The following ADAMTS12 variants were observed in gnomAD, a reference collection of about 807,000 sequenced individuals.
The protein encoded by ADAMTS12 is A disintegrin and metalloproteinase with thrombospondin motifs 12.
A neutral mutation model predicts 167.8 loss-of-function variants in ADAMTS12; 118 were observed. That is an observed-to-expected ratio of 0.70 (90% CI 0.61 to 0.82). ADAMTS12 has a LOEUF of 0.82. Ranked by LOEUF, ADAMTS12 falls within the 40% of genes least tolerant of loss-of-function variation. The pLI, the probability that ADAMTS12 is intolerant of heterozygous loss-of-function variation, is 0.00. For missense variants in ADAMTS12, 1,916 were observed against 1,998.8 expected (o/e 0.96, Z 0.79); for synonymous variants, 704 against 716.9 (o/e 0.98, Z 0.29).
chr5:33,867,244 T>C (rs1749857279), intron 2 of ADAMTS12, among the ~76,000 whole-genome samples: 1 of 151,976 alleles, frequency 6.6e-6, no homozygotes, highest in South Asian at 2.1e-4. Context: ...ATAAAGAAAA[T>C]GTGGTATACA....
chr5:33,840,353 CTA>C (rs1748703811), intron 2 of ADAMTS12: 1 of 152,262 alleles, frequency 6.6e-6, no homozygotes, highest in Non-Finnish European at 1.5e-5. Context: ...TTTCCTAACA[CTA>C]TCTCCTTGCT....
chr5:33,710,607 T>A (rs1743364152), intron 3 of ADAMTS12, among the ~76,000 whole-genome samples: 1 of 152,212 alleles, frequency 6.6e-6, no homozygotes, highest in African/African-American at 2.4e-5. Flanking sequence ...TGGAATTTGA[T>A]GGTGAAGACC....
chr5:33,704,936 CCTATA>C (rs985118567), intron 3 of ADAMTS12, among the ~76,000 whole-genome samples: 5 of 151,946 alleles, frequency 3.3e-5, no homozygotes, highest in African/African-American at 1.2e-4. Flanking sequence ...ATGTTTTTTT[CCTATA>C]TTTTATTCTA....
At chr5:33,682,044 A>T (rs919034647) in intron 5 of ADAMTS12, among the ~76,000 whole-genome samples, 2 of 152,236 alleles carry the variant, frequency 1.3e-5, no homozygotes, top group African/African-American at 4.8e-5. Flanking sequence ...TTCTTATGGC[A>T]AGGCTGAAAA....
At position 33,863,868 on chromosome 5, in the gene ADAMTS12, T is replaced by G. The variant is rs192798574; in HGVS notation, c.489+17251A>C. On this transcript the variant is annotated intron_variant, in intron 2 of 23. Transcript: ENST00000504830. Reference sequence around the variant, plus strand: ...GTACCAAAACAGATATATACACCAATGGAATGGAACAGAGGCCTCAGAAAT... The same window carrying G: ...GTACCAAAACAGATATATACACCAAGGGAATGGAACAGAGGCCTCAGAAAT... Among the ~76,000 whole-genome samples, 87 of 152,116 alleles carry G rather than the reference T, an allele frequency of 5.7e-4. 1 individual carries two copies. The highest frequency in any genetic ancestry group is 2.0e-3 in the African/African-American group (83 of 41,496).
At chr5:33,778,264 C>T (rs1279065795) in intron 2 of ADAMTS12, among the ~76,000 whole-genome samples, 1 of 152,038 alleles carries the variant, frequency 6.6e-6, no homozygotes, top group Non-Finnish European at 1.5e-5. Context: ...TACCTGATTT[C>T]AAAATATACT....
chr5:33,691,871 A>G (rs2112278294), intron 3 of ADAMTS12, among the ~76,000 whole-genome samples: 1 of 152,336 alleles, frequency 6.6e-6, no homozygotes. Flanking sequence ...ACACCAACCT[A>G]AGGCTAACTA....
chr5:33,757,870 G>A (rs1745220534), intron 2 of ADAMTS12, among the ~76,000 whole-genome samples: 1 of 152,114 alleles, frequency 6.6e-6, no homozygotes, highest in South Asian at 2.1e-4. Context: ...CATATGGTAG[G>A]TGCTCAATAA....
At position 33,546,156 on chromosome 5, in the gene ADAMTS12, CA is replaced by C; in HGVS notation, c.4348del (p.Cys1450ValfsTer103). 1 of 1,613,944 alleles carries C rather than the reference CA, an allele frequency of 6.2e-7. No homozygotes were observed. Among genetic ancestry groups the C allele is most frequent in the African/African-American group, 1.3e-5 (1 of 75,002 alleles). On this transcript the variant is annotated frameshift_variant, in exon 22 of 24. Transcript: ENST00000504830. LOFTEE classifies it high-confidence loss of function. Reference protein sequence around the residue: ...GGGVQERGVFCPGGLCDWTKR... With the variant: ...GGGVQERGVFXPGGLCDWTKR... ...TGTCCAATCACAGAGGCCTCCTGGA[CA>C]GAACACTCCTCTCTCCTGAACTCCA... is the stretch of plus-strand genomic sequence containing the variant.
At chr5:33,597,784 C>T (rs982110567) in intron 16 of ADAMTS12, among the ~76,000 whole-genome samples, 1 of 151,994 alleles carries the variant, frequency 6.6e-6, no homozygotes. Flanking sequence ...AGACTCGGAT[C>T]ATTGACATCA....
At chr5:33,825,292 C>T (rs556580791) in intron 2 of ADAMTS12, among the ~76,000 whole-genome samples, 1 of 152,290 alleles carries the variant, frequency 6.6e-6, no homozygotes, top group South Asian at 2.1e-4. Context: ...AAATTCCAGA[C>T]AAATCTTCCT....
Position 33,596,075 on chromosome 5 carries a change from G to C in ADAMTS12, c.2528-15C>G, listed in dbSNP as rs2112034185. 1 of 1,613,532 alleles carries C rather than the reference G, an allele frequency of 6.2e-7. No homozygotes were observed. The highest frequency in any genetic ancestry group is 8.5e-7 in the Non-Finnish European group (1 of 1,179,766). ...GCGGCGGATACCTGGGGGTCAGACA[G>C]AAAGATTCACACATATTGAATCCTG... On this transcript the variant is annotated splice_polypyrimidine_tract_variant and intron_variant, in intron 16 of 23. Coordinates refer to ENST00000504830, the MANE Select transcript of ADAMTS12 (RefSeq NM_030955.4).
In ADAMTS12 at chr5:33,576,843, G is replaced by A. The variant is rs746092904; in HGVS notation, c.3183C>T (p.Asp1061=). ...PSPTTASKEG[D]LGGKQWQDSS... The stretch of plus-strand genomic sequence containing the variant: ...TATCTTGCCACTGTTTCCCACCCAG[G>A]TCTCCTTCTTTGGAGGCTGTGGTAG... Residue 1061 remains aspartate, a synonymous_variant, in exon 19 of 24, where the codon GAC becomes GAT. Coordinates refer to ENST00000504830, the MANE Select transcript of ADAMTS12 (RefSeq NM_030955.4). 206 of 1,614,082 alleles carry A rather than the reference G, an allele frequency of 1.3e-4. No individual in the cohort carries two copies. The highest frequency in any genetic ancestry group is 1.7e-4 in the Non-Finnish European group (201 of 1,180,036).
At chr5:33,720,808 T>C (rs932246059) in intron 3 of ADAMTS12, among the ~76,000 whole-genome samples, 4 of 152,156 alleles carry the variant, frequency 2.6e-5, no homozygotes, top group Admixed American at 2.0e-4. Context: ...GCTTAACATA[T>C]GCATACTATA....
chr5:33,684,972 T>C (rs1436583277), intron 3 of ADAMTS12, among the ~76,000 whole-genome samples: 1 of 152,112 alleles, frequency 6.6e-6, no homozygotes, highest in African/African-American at 2.4e-5. Context: ...CAAGTGGAAG[T>C]CAAGTGTAAA....
Position 33,616,887 on chromosome 5 carries a change from T to C in ADAMTS12, c.2144-815A>G, listed in dbSNP as rs566213200. ...TACTGGTGAAAAAATTAACACTTAA[T>C]GGTTGCCAGTGTTTGCCAAGCTCTA... On this transcript the variant is annotated intron_variant, in intron 14 of 23. Coordinates refer to ENST00000504830, the MANE Select transcript of ADAMTS12 (RefSeq NM_030955.4). Among the ~76,000 whole-genome samples, 7 of 152,358 alleles carry C rather than the reference T, an allele frequency of 4.6e-5. No homozygotes were observed. In the South Asian group the frequency reaches 1.2e-3, roughly 27 times the overall value.
chr5:33,631,655 T>A (rs1409762502), intron 12 of ADAMTS12, among the ~76,000 whole-genome samples: 2 of 152,158 alleles, frequency 1.3e-5, no homozygotes, highest in African/African-American at 2.4e-5. Flanking sequence ...GTATACAGAA[T>A]AACCAGAAAG....
At chr5:33,628,763 A>G (rs1171606723) in intron 13 of ADAMTS12, among the ~76,000 whole-genome samples, 1 of 152,182 alleles carries the variant, frequency 6.6e-6, no homozygotes, top group Non-Finnish European at 1.5e-5. Context: ...ATCCTTGAAG[A>G]TAAAGTATTT....
In ADAMTS12 at chr5:33,614,273, C is replaced by T. The variant is rs1440057992; in HGVS notation, c.2492G>A (p.Gly831Asp). 3 of 1,614,014 alleles carry T rather than the reference C, an allele frequency of 1.9e-6. No homozygotes were observed. The highest frequency in any genetic ancestry group is 2.2e-5 in the East Asian group (1 of 44,830). ...VEQQMYFWQY[G>D]HWTECSVTCG... Reference sequence around the variant, plus strand: ...GGTCACACTGCACTCTGTCCAGTGGCCGTACTGCCAGAAGTACATCTGCTG... The same window carrying T: ...GGTCACACTGCACTCTGTCCAGTGGTCGTACTGCCAGAAGTACATCTGCTG... The change falls in exon 16 of 24, where the codon GGC (glycine) becomes GAC (aspartate). Residue 831 changes from glycine to aspartate, a missense_variant. Transcript: ENST00000504830.
Sources: allele counts gnomAD v4.1 joint callset (sites outside exome capture counted in the v4.1 genomes callset), GRCh38; gene constraint gnomAD v4.1.1; transcripts MANE v1.5; gene names NCBI Gene and HGNC (gene_info 2026-07-23, HGNC 2026-07-21).